ST8SIA2: variants seen among roughly 807,000 people sequenced by gnomAD.
The protein encoded by ST8SIA2 is alpha-2,8-sialyltransferase 8B.
In ST8SIA2, 22 loss-of-function variants were observed where a neutral mutation model predicts 37.6. The observed-to-expected ratio is 0.58, with a 90% confidence interval of 0.42 to 0.83. The LOEUF (loss-of-function observed/expected upper bound fraction) is 0.83, where lower values mean the gene tolerates loss of function less well. ST8SIA2 is among the 40% of genes least tolerant of loss of function. ST8SIA2 has a pLI of 0.00. For missense variants in ST8SIA2, 382 were observed against 484.7 expected (o/e 0.79, Z 1.99); for synonymous variants, 205 against 201.2 (o/e 1.02, Z -0.16).
chr15:92,403,600 G>A (rs568116649), intron 1 of ST8SIA2, among the ~76,000 whole-genome samples: 1 of 152,102 alleles, frequency 6.6e-6, no homozygotes, highest in East Asian at 1.9e-4. Flanking sequence ...GGCTGCACGC[G>A]GAGGAGTGAT....
At chr15:92,463,782 G>A (rs1267598209) in intron 5 of ST8SIA2, among the ~76,000 whole-genome samples, 2 of 152,222 alleles carry the variant, frequency 1.3e-5, no homozygotes, top group African/African-American at 4.8e-5. Flanking sequence ...CAAGTCAAGT[G>A]CTGCCCCTTT....
At chr15:92,431,231 T>C (rs914539596) in intron 2 of ST8SIA2, among the ~76,000 whole-genome samples, 14 of 152,192 alleles carry the variant, frequency 9.2e-5, no homozygotes, top group African/African-American at 2.7e-4. Flanking sequence ...GTCCTCGTGG[T>C]AGCTTGAGGG....
At chr15:92,452,678 A>G (rs1297447192) in intron 5 of ST8SIA2, among the ~76,000 whole-genome samples, 1 of 152,204 alleles carries the variant, frequency 6.6e-6, no homozygotes, top group Non-Finnish European at 1.5e-5. Flanking sequence ...AGACAGGTAG[A>G]CCAGGGATTA....
At chr15:92,407,026 C>T (rs1359020707) in intron 1 of ST8SIA2, among the ~76,000 whole-genome samples, 1 of 139,364 alleles carries the variant, frequency 7.2e-6, no homozygotes, top group Non-Finnish European at 1.6e-5. Flanking sequence ...AAAAAAAAAA[C>T]ACTACAAAGA....
At chr15:92,414,761 C>T (rs2049574537) in intron 1 of ST8SIA2, among the ~76,000 whole-genome samples, 2 of 152,214 alleles carry the variant, frequency 1.3e-5, no homozygotes, top group Admixed American at 1.3e-4. Context: ...AAGCTGGTCA[C>T]ATCCCTGGGG....
At chr15:92,427,238 TG>T (rs986972045) in intron 1 of ST8SIA2, among the ~76,000 whole-genome samples, 4 of 123,548 alleles carry the variant, frequency 3.2e-5, no homozygotes, top group African/African-American at 1.2e-4. Flanking sequence ...TTAATAAAGC[TG>T]GTGGGAGGTT....
chr15:92,436,963 C>T (rs2049763404), intron 3 of ST8SIA2, among the ~76,000 whole-genome samples: 1 of 152,142 alleles, frequency 6.6e-6, no homozygotes, highest in Non-Finnish European at 1.5e-5. Flanking sequence ...CACATGTCAG[C>T]CTGGAAATTT....
chr15:92,462,404 G>A (rs1001740828), intron 5 of ST8SIA2, among the ~76,000 whole-genome samples: 10 of 152,162 alleles, frequency 6.6e-5, no homozygotes, highest in African/African-American at 1.4e-4. Flanking sequence ...GACACTGTGG[G>A]ATGTTTTATG....
At chr15:92,428,997 A>G (rs2141827037) in intron 1 of ST8SIA2, among the ~76,000 whole-genome samples, 1 of 152,342 alleles carries the variant, frequency 6.6e-6, no homozygotes, top group East Asian at 1.9e-4. Flanking sequence ...AGGAAATCAG[A>G]TACAAAATCC....
rs1393373607 is a variant in ST8SIA2, at chr15:92,467,545, T to C, written c.*3160T>C. On this transcript the variant is annotated 3_prime_UTR_variant, in exon 6 of 6. Coordinates refer to ENST00000268164, the MANE Select transcript of ST8SIA2 (RefSeq NM_006011.4). The stretch of plus-strand genomic sequence containing the variant: ...CTCCCTGGCCCCTCGGCACCCAGAA[T>C]GCCACATTCTTGTGTTTTTTTCCTC... 1 of 152,694 alleles carries C rather than the reference T, an allele frequency of 6.5e-6. No homozygotes were observed. Among genetic ancestry groups the C allele is most frequent in the African/African-American group, 2.4e-5 (1 of 41,480 alleles). The allele number at this position is 152,694 out of a possible 1,614,324, so 9.5% of individuals were successfully genotyped here.
At chr15:92,398,306 G>A (rs994422402) in intron 1 of ST8SIA2, among the ~76,000 whole-genome samples, 16 of 152,214 alleles carry the variant, frequency 1.1e-4, no homozygotes, top group African/African-American at 3.4e-4. Flanking sequence ...GTTAAGGGCA[G>A]AGCAGGCTTG....
rs548583092 is a variant in ST8SIA2 at position 92,397,545 on chromosome 15, A to T, written c.98+3383A>T. ...GCCTGGTAGCCAAGGAGTGAATTCA[A>T]ATTCTAAGTCAGAAATTGGGTGGGG... On this transcript the variant is annotated intron_variant, in intron 1 of 5. Transcript: ENST00000268164. Among the ~76,000 whole-genome samples, 4 of 152,276 alleles carry T rather than the reference A, an allele frequency of 2.6e-5. No homozygotes were observed. The South Asian group carries it at 8.3e-4, about 32-fold the overall frequency.
intron 1 of ST8SIA2, among the ~76,000 whole-genome samples, chr15:92,424,133 A>G (rs2049656711): frequency 6.6e-6 from 1 of 152,232 alleles, no homozygotes; most frequent in Non-Finnish European, 1.5e-5. Flanking sequence ...CTTTAGTTTC[A>G]TCTTCTATTC....
intron 1 of ST8SIA2, among the ~76,000 whole-genome samples, chr15:92,402,566 A>G (rs1490470194): frequency 6.6e-6 from 1 of 152,208 alleles, no homozygotes; most frequent in Non-Finnish European, 1.5e-5. Context: ...TAAGCCTTGG[A>G]AACACAAAGG....
chr15:92,396,567 C>T (rs902590784), intron 1 of ST8SIA2, among the ~76,000 whole-genome samples: 8 of 151,532 alleles, frequency 5.3e-5, no homozygotes, highest in African/African-American at 1.9e-4. Flanking sequence ...AATCTCGGCT[C>T]ACTGCAACCT....
chr15:92,460,225 C>A (rs907762966), intron 5 of ST8SIA2, among the ~76,000 whole-genome samples: 4 of 152,220 alleles, frequency 2.6e-5, no homozygotes, highest in Non-Finnish European at 5.9e-5. Flanking sequence ...ACCCACCAGT[C>A]ATCACAGGAG....
intron 5 of ST8SIA2, among the ~76,000 whole-genome samples, chr15:92,449,137 A>C (rs955758575): frequency 2.0e-5 from 3 of 152,182 alleles, no homozygotes; most frequent in African/African-American, 7.2e-5. Flanking sequence ...CTTAGTACCC[A>C]ACAGTTTTTC....
intron 5 of ST8SIA2, among the ~76,000 whole-genome samples, chr15:92,463,452 A>G (rs543852521): frequency 1.3e-5 from 2 of 152,210 alleles, no homozygotes; most frequent in Non-Finnish European, 2.9e-5. Context: ...CAGCAGGGAC[A>G]GCAAGGAAAT....
chr15:92,428,376 C>G (rs1315645437), intron 1 of ST8SIA2, among the ~76,000 whole-genome samples: 1 of 152,166 alleles, frequency 6.6e-6, no homozygotes, highest in African/African-American at 2.4e-5. Context: ...CTGTTTTTCT[C>G]CCAACTCAAC....
Sources: allele counts gnomAD v4.1 joint callset (sites outside exome capture counted in the v4.1 genomes callset), GRCh38; gene constraint gnomAD v4.1.1; transcripts MANE v1.5; gene names NCBI Gene and HGNC (gene_info 2026-07-23, HGNC 2026-07-21).